The following DCUN1D5 variants were observed in gnomAD, a reference collection of about 807,000 sequenced individuals.
DCUN1D5 encodes the protein DCN1-like protein 5.
A neutral mutation model predicts 38.3 loss-of-function variants in DCUN1D5; 10 were observed. The observed-to-expected ratio is 0.26, with a 90% CI of 0.16 to 0.44. The LOEUF (loss-of-function observed/expected upper bound fraction) is 0.44, where lower values mean the gene tolerates loss of function less well. Ranked by LOEUF, DCUN1D5 falls within the 20% of genes least tolerant of loss-of-function variation. The probability of loss-of-function intolerance (pLI) is 1.00; values close to 1 mark genes in which losing one functional copy is unlikely to be tolerated. For missense variants in DCUN1D5, 148 were observed against 275.3 expected (o/e 0.54, Z 3.27); for synonymous variants, 93 against 90.9 (o/e 1.02, Z -0.13).
chr11:103,088,426 T>C (rs982239038), intron 2 of DCUN1D5, among the ~76,000 whole-genome samples: 3 of 152,192 alleles, frequency 2.0e-5, no homozygotes, highest in African/African-American at 7.2e-5. Flanking sequence ...ATTTATGAGA[T>C]AGTATAAGTG....
In DCUN1D5 at chr11:103,059,099, C is replaced by T. The variant is rs1004261588; in HGVS notation, c.*3260G>A. The stretch of plus-strand genomic sequence containing the variant: ...TATCACAATAGTTTTAAGTACACTT[C>T]TTTAAGAGGGCAGAAGAACAACACC... On this transcript the variant is annotated 3_prime_UTR_variant, in exon 8 of 8. Transcript: ENST00000260247. Among the ~76,000 whole-genome samples the T allele has an allele frequency of 1.3e-5, 2 of 152,030 alleles. No homozygotes were observed. Among genetic ancestry groups the T allele is most frequent in the Admixed American group, 1.3e-4 (2 of 15,260 alleles).
At position 103,073,966 on chromosome 11, in the gene DCUN1D5, G is replaced by A. The variant is rs905908095; in HGVS notation, c.342-7399C>T. Reference sequence around the variant, plus strand: ...GCACATGCATGTGTGGCTACTCGGGGGGCTGATGTGGGAGGATCGCTTGAA... The same window carrying A: ...GCACATGCATGTGTGGCTACTCGGGAGGCTGATGTGGGAGGATCGCTTGAA... On this transcript the variant is annotated intron_variant, in intron 4 of 7. Coordinates refer to ENST00000260247, the MANE Select transcript of DCUN1D5 (RefSeq NM_032299.4). The surrounding 1 kb of genome is among the most constrained non-coding windows in gnomAD (Gnocchi z 4.2). Among the ~76,000 whole-genome samples, 3 of 152,110 alleles carry A rather than the reference G, an allele frequency of 2.0e-5. No homozygotes were observed. The highest frequency in any genetic ancestry group is 4.2e-4 in the South Asian group (2 of 4,810).
At chr11:103,081,798 T>C (rs1862570349) in intron 4 of DCUN1D5, among the ~76,000 whole-genome samples, 1 of 152,140 alleles carries the variant, frequency 6.6e-6, no homozygotes, top group Non-Finnish European at 1.5e-5. Context: ...GTCTACATGT[T>C]AATGTCAGTT....
chr11:103,051,351 G>T lies in DCUN1D5; in HGVS notation c.*11008C>A, dbSNP rs983273631. Reference sequence around the variant, plus strand: ...GATTTTCTGCATGGTTTATCTTGTGGTTTGCTTCTTCTGACAAGGCAGCAA... The same window carrying T: ...GATTTTCTGCATGGTTTATCTTGTGTTTTGCTTCTTCTGACAAGGCAGCAA... On this transcript the variant is annotated 3_prime_UTR_variant, in exon 8 of 8. Transcript: ENST00000260247. The T allele has an allele frequency of 1.3e-5, 2 of 152,094 alleles. No individual in the cohort carries two copies. The highest frequency in any genetic ancestry group is 3.9e-4 in the East Asian group (2 of 5,192). The allele number at this position is 152,094 out of a possible 1,614,324, so 9.4% of individuals were successfully genotyped here.
chr11:103,062,788 C>T lies in DCUN1D5; in HGVS notation c.659-374G>A, dbSNP rs1326048554. On this transcript the variant is annotated intron_variant, in intron 7 of 7. Coordinates refer to ENST00000260247, the MANE Select transcript of DCUN1D5 (RefSeq NM_032299.4). The surrounding 1 kb of genome is among the most constrained non-coding windows in gnomAD (Gnocchi z 4.6). ...GTTGCCTCCCCAAGAAGTGTACAAG[C>T]TTGTTGAGAGGGATCAGCCATAATA... Among the ~76,000 whole-genome samples the T allele has an allele frequency of 6.6e-6, 1 of 152,020 alleles. No homozygotes were observed. The highest frequency in any genetic ancestry group is 1.5e-5 in the Non-Finnish European group (1 of 67,936).
chr11:103,069,919 T>C (rs893937079), intron 4 of DCUN1D5, among the ~76,000 whole-genome samples: 12 of 151,958 alleles, frequency 7.9e-5, no homozygotes, highest in Admixed American at 2.0e-4. Context: ...ACCCAAAATA[T>C]CCAGGTTTCA....
At position 103,091,656 on chromosome 11, in the gene DCUN1D5, C is replaced by T; in HGVS notation, c.86+131G>A. ...GGAGACTCGCGGTGTTCGGCACCTA[C>T]AGCCTAGCTCGATCAAAGGGGCCTC... On this transcript the variant is annotated intron_variant, in intron 1 of 7. Transcript: ENST00000260247. This position sits in a 1 kb window ranked among gnomAD's most constrained non-coding sequence, Gnocchi z 4.3. The T allele has an allele frequency of 6.4e-7, 1 of 1,561,884 alleles. No individual in the cohort carries two copies. The highest frequency in any genetic ancestry group is 1.1e-5 in the South Asian group (1 of 87,738).
In DCUN1D5 at chr11:103,083,829, GA is replaced by G. The variant is rs1862629802; in HGVS notation, c.179-504del. Among the ~76,000 whole-genome samples the G allele has an allele frequency of 6.6e-6, 1 of 151,996 alleles. No homozygotes were observed. The highest frequency in any genetic ancestry group is 2.4e-5 in the African/African-American group (1 of 41,396). On this transcript the variant is annotated intron_variant, in intron 2 of 7. Coordinates refer to ENST00000260247, the MANE Select transcript of DCUN1D5 (RefSeq NM_032299.4). This position sits in a 1 kb window ranked among gnomAD's most constrained non-coding sequence, Gnocchi z 4.4. ...TACACTCAAATATAATTTAATTATT[GA>G]AAAAGACAAAGGTATTTTGAAAATA... is the stretch of plus-strand genomic sequence containing the variant.
At chr11:103,085,054 T>C (rs1862667149) in intron 2 of DCUN1D5, among the ~76,000 whole-genome samples, 3 of 152,050 alleles carry the variant, frequency 2.0e-5, no homozygotes, top group Non-Finnish European at 2.9e-5. Context: ...GATGTAAATA[T>C]ATTGTAAATT....
intron 4 of DCUN1D5, among the ~76,000 whole-genome samples, chr11:103,072,347 GATCTA>G (rs1202835931): frequency 2.0e-5 from 3 of 151,404 alleles, no homozygotes; most frequent in Admixed American, 6.6e-5. Flanking sequence ...ACTAGATCTA[GATCTA>G]GATCTAGATC....
chr11:103,068,212 T>C (rs1862181850), intron 4 of DCUN1D5, among the ~76,000 whole-genome samples: 3 of 152,208 alleles, frequency 2.0e-5, no homozygotes, highest in South Asian at 4.1e-4. Context: ...ATTTAATTAA[T>C]TTAATATAGT....
At chr11:103,074,071 G>A (rs1370792587) in intron 4 of DCUN1D5, among the ~76,000 whole-genome samples, 1 of 152,072 alleles carries the variant, frequency 6.6e-6, no homozygotes, top group African/African-American at 2.4e-5. Flanking sequence ...ACTCACTGGA[G>A]TGCAACAGAG....
chr11:103,054,268 G>A lies in DCUN1D5; in HGVS notation c.*8091C>T, dbSNP rs1166312960. The A allele has an allele frequency of 6.6e-6, 1 of 152,098 alleles. No individual in the cohort carries two copies. The highest frequency in any genetic ancestry group is 1.5e-5 in the Non-Finnish European group (1 of 67,996). 9.4% of individuals were successfully genotyped at this position (152,098 alleles called of 1,614,324 possible). A position where few individuals can be genotyped will look rare whatever the true frequency, so the allele number is the denominator to read the frequency against. On this transcript the variant is annotated 3_prime_UTR_variant, in exon 8 of 8. Coordinates refer to ENST00000260247, the MANE Select transcript of DCUN1D5 (RefSeq NM_032299.4). ...AAGTCTGCTTGAAGAAGTAGTGGGA[G>A]CAAAGATAGAAGGTTAGAATTGTCT...
rs1861864948 is a variant in DCUN1D5 at position 103,056,003 on chromosome 11, T to C, written c.*6356A>G. 6.6e-6 allele frequency among the ~76,000 whole-genome samples: 1 copy of C among 152,214 alleles called. No homozygotes were observed. Among genetic ancestry groups the C allele is most frequent in the African/African-American group, 2.4e-5 (1 of 41,460 alleles). ...CCAAAAACCTTGATCATTCTTTTTTTCATACCTCACATCCATTCTATCAGC... is the reference window on the plus strand; with the variant it reads ...CCAAAAACCTTGATCATTCTTTTTTCCATACCTCACATCCATTCTATCAGC... On this transcript the variant is annotated 3_prime_UTR_variant, in exon 8 of 8. Coordinates refer to ENST00000260247, the MANE Select transcript of DCUN1D5 (RefSeq NM_032299.4). The surrounding 1 kb of genome is among the most constrained non-coding windows in gnomAD (Gnocchi z 4.9).
chr11:103,057,427 G>A lies in DCUN1D5; in HGVS notation c.*4932C>T, dbSNP rs1340267329. Reference sequence around the variant, plus strand: ...ATGTGAAAAAGTTAATTATTTCCCAGGAGTGGTGGCTCACACCTGTAATCC... The same window carrying A: ...ATGTGAAAAAGTTAATTATTTCCCAAGAGTGGTGGCTCACACCTGTAATCC... On this transcript the variant is annotated 3_prime_UTR_variant, in exon 8 of 8. Transcript: ENST00000260247. This position sits in a 1 kb window ranked among gnomAD's most constrained non-coding sequence, Gnocchi z 4.8. 6.6e-6 allele frequency among the ~76,000 whole-genome samples: 1 copy of A among 152,062 alleles called. No homozygotes were observed. Among genetic ancestry groups the A allele is most frequent in the Non-Finnish European group, 1.5e-5 (1 of 68,018 alleles).
In DCUN1D5 at chr11:103,091,619, CG is replaced by C. The variant is rs1295941495; in HGVS notation, c.86+167del. The C allele has an allele frequency of 1.6e-6, 2 of 1,226,948 alleles. No homozygotes were observed. The highest frequency in any genetic ancestry group is 3.0e-5 in the African/African-American group (2 of 66,756). 76.0% of individuals were successfully genotyped at this position (1,226,948 alleles called of 1,614,324 possible). ...GCGTGCACACACTCGAACACGAGGT[CG>C]GGTCGGGCGCGGAGACTCGCGGTGT... On this transcript the variant is annotated intron_variant, in intron 1 of 7. Transcript: ENST00000260247. This position sits in a 1 kb window ranked among gnomAD's most constrained non-coding sequence, Gnocchi z 4.3.
chr11:103,062,278 T>C lies in DCUN1D5; in HGVS notation c.*81A>G, dbSNP rs767043240. ...TTTCATATGAATGAAAATGCACCCG[T>C]TGGATTTTTTTCCCCCTCATCACAT... On this transcript the variant is annotated 3_prime_UTR_variant, in exon 8 of 8. Transcript: ENST00000260247. This position sits in a 1 kb window ranked among gnomAD's most constrained non-coding sequence, Gnocchi z 4.6. 7 of 1,342,890 alleles carry C rather than the reference T, an allele frequency of 5.2e-6. No individual in the cohort carries two copies. The highest frequency in any genetic ancestry group is 3.7e-5 in the South Asian group (3 of 81,154). The allele number at this position is 1,342,890 out of a possible 1,614,324, so 83.2% of individuals were successfully genotyped here.
chr11:103,068,964 C>A (rs1006904736), intron 4 of DCUN1D5, among the ~76,000 whole-genome samples: 1 of 151,976 alleles, frequency 6.6e-6, no homozygotes, highest in Admixed American at 6.6e-5. Flanking sequence ...TTTACTGGCA[C>A]AGGTTTAAGA....
chr11:103,069,274 G>C (rs1304623372), intron 4 of DCUN1D5, among the ~76,000 whole-genome samples: 1 of 152,072 alleles, frequency 6.6e-6, no homozygotes, highest in Non-Finnish European at 1.5e-5. Context: ...AACACCAATG[G>C]GGGCAGACAA....
Sources: allele counts gnomAD v4.1 joint callset (sites outside exome capture counted in the v4.1 genomes callset), GRCh38; gene constraint gnomAD v4.1.1; non-coding constraint Gnocchi (gnomAD v3.1); transcripts MANE v1.5; gene names NCBI Gene and HGNC (gene_info 2026-07-23, HGNC 2026-07-21).